The following MYO5A variants were observed in gnomAD, a reference collection of about 807,000 sequenced individuals.
MYO5A encodes myosin VA.
In MYO5A, 98 loss-of-function variants were observed where a neutral mutation model predicts 249.7. The ratio of observed to expected loss-of-function variants is 0.39; its 90% confidence interval spans 0.33 to 0.46. The LOEUF (loss-of-function observed/expected upper bound fraction) is 0.46, where lower values mean the gene tolerates loss of function less well. MYO5A is among the 20% of genes least tolerant of loss of function. The pLI, the probability that MYO5A is intolerant of heterozygous loss-of-function variation, is 0.98. For missense variants in MYO5A, 1,696 were observed against 2,308.8 expected (o/e 0.73, Z 5.44); for synonymous variants, 778 against 810.6 (o/e 0.96, Z 0.68).
chr15:52,385,134 G>T (rs1218948779), intron 14 of MYO5A, among the ~76,000 whole-genome samples: 1 of 152,126 alleles, frequency 6.6e-6, no homozygotes, highest in African/African-American at 2.4e-5. Context: ...GACTTCAAAT[G>T]AATCCAAAGG....
At chr15:52,323,684 G>A (rs1474128481) in intron 36 of MYO5A, 9 of 416,026 alleles carry the variant, frequency 2.2e-5, no homozygotes, top group East Asian at 1.6e-4. Flanking sequence ...AAACTGATGC[G>A]AATTTAGCTG....
intron 5 of MYO5A, among the ~76,000 whole-genome samples, chr15:52,414,318 A>T (rs1335685246): frequency 6.6e-6 from 1 of 152,212 alleles, no homozygotes; most frequent in Admixed American, 6.5e-5. Context: ...CATGAGCTAA[A>T]TAAATCTCTT....
At chr15:52,448,058 C>G (rs1034239601) in intron 1 of MYO5A, among the ~76,000 whole-genome samples, 5 of 152,164 alleles carry the variant, frequency 3.3e-5, no homozygotes, top group African/African-American at 9.7e-5. Flanking sequence ...TCCTCCAGAC[C>G]CCAGAATGGT....
chr15:52,455,772 T>A (rs1199128175), intron 1 of MYO5A, among the ~76,000 whole-genome samples: 1 of 146,594 alleles, frequency 6.8e-6, no homozygotes. Context: ...CCCTTCATGA[T>A]AAAAAAAAAA....
chr15:52,408,194 AT>A, intron 6 of MYO5A, 54 bp from the exon 7 acceptor site: 1 of 1,018,506 alleles, frequency 9.8e-7, no homozygotes, highest in Non-Finnish European at 1.5e-6. Flanking sequence ...AATTCAGGGA[AT>A]TCTATCATAA....
At chr15:52,398,749 G>A (rs2042598706) in intron 9 of MYO5A, among the ~76,000 whole-genome samples, 1 of 152,366 alleles carries the variant, frequency 6.6e-6, no homozygotes, top group Non-Finnish European at 1.5e-5. Context: ...AGCACTTCGG[G>A]AGGCTAAGGC....
At chr15:52,326,322 G>C (rs938251057) in intron 36 of MYO5A, among the ~76,000 whole-genome samples, 3 of 152,066 alleles carry the variant, frequency 2.0e-5, no homozygotes, top group African/African-American at 7.2e-5. Flanking sequence ...TCTAGGAGTT[G>C]GCCTAAGAAG....
In MYO5A at chr15:52,372,251, C is replaced by T. The variant is rs1567061934; in HGVS notation, c.2690G>A (p.Arg897Lys). The change falls in exon 21 of 42, where the codon AGG becomes AAG. Residue 897 changes from arginine to lysine, a missense_variant. Coordinates refer to ENST00000399233, the MANE Select transcript of MYO5A (RefSeq NM_001382347.1). ...HAIIYLQCCF[R>K]RMMAKRELKK... Reference sequence around the variant, plus strand: ...TAGCTCACGCTTGGCCATCATCCGCCTGAAGCAGCACTGAAGGTAGATGAT... The same window carrying T: ...TAGCTCACGCTTGGCCATCATCCGCTTGAAGCAGCACTGAAGGTAGATGAT... The T allele has an allele frequency of 1.9e-6, 3 of 1,612,738 alleles. No individual in the cohort carries two copies. The highest frequency in any genetic ancestry group is 2.5e-6 in the Non-Finnish European group (3 of 1,180,040).
intron 2 of MYO5A, 133 bp from the exon 3 acceptor site, chr15:52,428,702 A>G: frequency 1.1e-6 from 1 of 914,638 alleles, no homozygotes; most frequent in Non-Finnish European, 1.8e-6. Flanking sequence ...AGCACCTTCC[A>G]ATATCACAGA....
At chr15:52,420,791 T>C (rs935891) in intron 4 of MYO5A, among the ~76,000 whole-genome samples, 145,358 of 152,284 alleles carry the variant, frequency 0.95, 69,740 homozygotes, top group East Asian at 1. Flanking sequence ...AGAAATAGAA[T>C]TATGCCATCT....
chr15:52,489,052 T>C (rs1464026840), intron 1 of MYO5A, among the ~76,000 whole-genome samples: 1 of 152,144 alleles, frequency 6.6e-6, no homozygotes, highest in Non-Finnish European at 1.5e-5. Context: ...GACCAAAGTG[T>C]AAAAGTAAAA....
chr15:52,458,107 T>G (rs1206508198), intron 1 of MYO5A, among the ~76,000 whole-genome samples: 8 of 152,152 alleles, frequency 5.3e-5, no homozygotes, highest in Non-Finnish European at 1.0e-4. Context: ...TAGAAGGGTG[T>G]ATGTGGCAGT....
At chr15:52,513,201 T>A (rs1566872221) in intron 1 of MYO5A, among the ~76,000 whole-genome samples, 1 of 151,784 alleles carries the variant, frequency 6.6e-6, no homozygotes, top group East Asian at 2.0e-4. Context: ...GAGGCCGAGA[T>A]GGGCTGATCA....
At chr15:52,329,251 A>G (rs998719888) in intron 35 of MYO5A, 2 of 152,222 alleles carry the variant, frequency 1.3e-5, no homozygotes, top group African/African-American at 4.8e-5. Flanking sequence ...TGCTAAATGA[A>G]ATTCATGTTG....
chr15:52,461,822 A>G (rs1402175332), intron 1 of MYO5A, among the ~76,000 whole-genome samples: 1 of 151,942 alleles, frequency 6.6e-6, no homozygotes, highest in Non-Finnish European at 1.5e-5. Context: ...TTAGCCGGAC[A>G]TGGTGGCATG....
intron 1 of MYO5A, among the ~76,000 whole-genome samples, chr15:52,493,977 G>T (rs765956876): frequency 6.6e-6 from 1 of 152,028 alleles, no homozygotes; most frequent in Non-Finnish European, 1.5e-5. Flanking sequence ...ACAACTAAAA[G>T]CCCAAGAGCA....
intron 25 of MYO5A, among the ~76,000 whole-genome samples, chr15:52,355,479 C>T (rs1478686603): frequency 1.3e-5 from 2 of 152,216 alleles, no homozygotes; most frequent in Non-Finnish European, 2.9e-5. Context: ...TAAGAAGAGA[C>T]TGCTGAAATA....
intron 1 of MYO5A, among the ~76,000 whole-genome samples, chr15:52,450,843 G>GTTTTTTTTTTTT (rs56842960): frequency 2.4e-5 from 2 of 84,584 alleles, no homozygotes; most frequent in African/African-American, 9.9e-5. Context: ...CACTACTGTG[G>GTTTTTTTTTTTT]TTTTTTTTTT....
intron 11 of MYO5A, 92 bp from the exon 12 acceptor site, chr15:52,392,162 T>C: frequency 1.5e-6 from 2 of 1,318,116 alleles, no homozygotes; most frequent in Non-Finnish European, 2.1e-6. Context: ...AGATAATCTG[T>C]GGCTTTCAAC....
Sources: allele counts gnomAD v4.1 joint callset (sites outside exome capture counted in the v4.1 genomes callset), GRCh38; gene constraint gnomAD v4.1.1; transcripts MANE v1.5; gene names NCBI Gene and HGNC (gene_info 2026-07-23, HGNC 2026-07-21).